AP3B2: variants seen among roughly 807,000 people sequenced by gnomAD.
AP3B2 encodes the protein AP-3 complex subunit beta-2.
A neutral mutation model predicts 126.9 loss-of-function variants in AP3B2; 50 were observed. The observed-to-expected ratio is 0.39, with a 90% CI of 0.31 to 0.50. AP3B2 has a LOEUF of 0.50. Ranked by LOEUF, AP3B2 falls within the 20% of genes least tolerant of loss-of-function variation. The pLI, the probability that AP3B2 is intolerant of heterozygous loss-of-function variation, is 0.79. For missense variants in AP3B2, 1,177 were observed against 1,426.4 expected (o/e 0.83, Z 2.82); for synonymous variants, 541 against 565.0 (o/e 0.96, Z 0.60).
chr15:82,664,010 C>A lies in AP3B2; in HGVS notation c.2262-35G>T. 6.3e-7 allele frequency: 1 copy of A among 1,582,326 alleles called. No homozygotes were observed. The highest frequency in any genetic ancestry group is 8.6e-7 in the Non-Finnish European group (1 of 1,169,066). ...TGGGAAAGGTTGGCTCAGGCCTGGC[C>A]TGGACACTCCCTCCTTGCTTCACAG... On this transcript the variant is annotated intron_variant, in intron 19 of 26. Transcript: ENST00000535359. This position sits in a 1 kb window ranked among gnomAD's most constrained non-coding sequence, Gnocchi z 4.5.
chr15:82,698,489 TAC>T (rs745881095), intron 1 of AP3B2, among the ~76,000 whole-genome samples: 3 of 145,154 alleles, frequency 2.1e-5, no homozygotes, highest in Non-Finnish European at 4.5e-5. Context: ...CACGTCCCCC[TAC>T]ACACACACAC....
intron 1 of AP3B2, chr15:82,691,722 C>T: frequency 6.5e-7 from 1 of 1,540,596 alleles, no homozygotes; most frequent in Non-Finnish European, 8.7e-7. Flanking sequence ...CATCACCTGT[C>T]TCAGTAGGGC....
rs1219219136 is a variant in AP3B2, at chr15:82,681,218, C to T, written c.522-40G>A. 6.3e-7 allele frequency: 1 copy of T among 1,583,276 alleles called. No homozygotes were observed. The highest frequency in any genetic ancestry group is 8.6e-7 in the Non-Finnish European group (1 of 1,163,524). On this transcript the variant is annotated intron_variant, in intron 5 of 26. Coordinates refer to ENST00000535359, the MANE Select transcript of AP3B2 (RefSeq NM_001278512.2). The surrounding 1 kb of genome is among the most constrained non-coding windows in gnomAD (Gnocchi z 4.0). Reference sequence around the variant, plus strand: ...GGTGAGGGGAATTTGCCACTCTCAGCCCCAGCCTTCCCAATATCTGTCCAA... The same window carrying T: ...GGTGAGGGGAATTTGCCACTCTCAGTCCCAGCCTTCCCAATATCTGTCCAA...
chr15:82,677,234 G>A (rs758708823), intron 13 of AP3B2, 40 bp downstream of exon 13: 1 of 1,473,910 alleles, frequency 6.8e-7, no homozygotes, highest in South Asian at 1.2e-5. Context: ...TCATGGGGAG[G>A]ACCTTGAAGT....
chr15:82,667,578 A>G (rs1447369810), intron 14 of AP3B2, among the ~76,000 whole-genome samples: 2 of 152,210 alleles, frequency 1.3e-5, no homozygotes, highest in Admixed American at 6.5e-5. Context: ...CTGCAGACCT[A>G]AAATATCTCC....
In AP3B2 at chr15:82,664,467, C is replaced by G. The variant is rs1475970192; in HGVS notation, c.2161G>C (p.Asp721His). 1 of 1,613,672 alleles carries G rather than the reference C, an allele frequency of 6.2e-7. No individual in the cohort carries two copies. The highest frequency in any genetic ancestry group is 1.3e-5 in the African/African-American group (1 of 74,916). ...DSDPESESES[D>H]SKSSSESGSG... The stretch of plus-strand genomic sequence containing the variant: ...CCGCTCTCACTGCTGCTCTTACTGT[C>G]CGATTCACTCTCAGACTCAGGGTCT... Residue 721 changes from aspartate (D) to histidine (H), a missense_variant, in exon 19 of 27, where the codon GAC becomes CAC. By Grantham distance (81) the Asp-to-His change is moderately conservative. This residue lies in a region of AP3B2 where 587 missense variants were observed against 571.3 expected (regional missense o/e 1.03). Transcript: ENST00000535359. This position sits in a 1 kb window ranked among gnomAD's most constrained non-coding sequence, Gnocchi z 4.5.
chr15:82,663,795 T>A lies in AP3B2; in HGVS notation c.2436+6A>T. The A allele has an allele frequency of 1.2e-6, 2 of 1,611,360 alleles. No homozygotes were observed. On this transcript the variant is annotated splice_donor_region_variant and intron_variant, in intron 20 of 26. Coordinates refer to ENST00000535359, the MANE Select transcript of AP3B2 (RefSeq NM_001278512.2). Reference sequence around the variant, plus strand: ...GCACACCCTGACTCTGCCCCAAGGCTCTCACTGTTTTCCTGCTCCAGGAGG... The same window carrying A: ...GCACACCCTGACTCTGCCCCAAGGCACTCACTGTTTTCCTGCTCCAGGAGG...
chr15:82,709,652 C>T lies in AP3B2; in HGVS notation c.55G>A (p.Glu19Lys). ...EDKGGSAGPG[E>K]PEYGHDPASG... ...GCGGGGTCGTGGCCGTACTCGGGCT[C>T]CCCGGGGCCAGCGGAGCCGCCCTTG... The change falls in exon 1 of 27, where the codon GAG (glutamate) becomes AAG (lysine). Residue 19 changes from glutamate to lysine, a missense_variant. Glu to Lys is a moderately conservative substitution (Grantham distance 56). Around this residue, in one of 5 missense-constraint regions of AP3B2, gnomAD observed 49 missense variants for 39.3 expected, o/e 1.25. Transcript: ENST00000535359. The T allele has an allele frequency of 6.6e-7, 1 of 1,519,040 alleles. No individual in the cohort carries two copies. 94.1% of individuals were successfully genotyped at this position (1,519,040 alleles called of 1,614,324 possible). A position where few individuals can be genotyped will look rare whatever the true frequency, so the allele number is the denominator to read the frequency against.
Position 82,665,650 on chromosome 15 carries a change from T to C in AP3B2, c.1853-75A>G. On this transcript the variant is annotated intron_variant, in intron 15 of 26. Transcript: ENST00000535359. This position sits in a 1 kb window ranked among gnomAD's most constrained non-coding sequence, Gnocchi z 4.4. ...CTGGGAGCTGTTTTCCAGGTGGGGC[T>C]GGGTGGTGATTCTGGTTGGGACTTC... is the stretch of plus-strand genomic sequence containing the variant. 4 of 1,250,530 alleles carry C rather than the reference T, an allele frequency of 3.2e-6. No homozygotes were observed. The highest frequency in any genetic ancestry group is 4.6e-6 in the Non-Finnish European group (4 of 864,116). The allele number at this position is 1,250,530 out of a possible 1,614,324, so 77.5% of individuals were successfully genotyped here.
chr15:82,701,493 T>C (rs2048718877), intron 1 of AP3B2, among the ~76,000 whole-genome samples: 1 of 152,234 alleles, frequency 6.6e-6, no homozygotes, highest in African/African-American at 2.4e-5. Context: ...AGCTTTCTCT[T>C]TTACAGTCAA....
intron 1 of AP3B2, among the ~76,000 whole-genome samples, chr15:82,706,923 T>C (rs2048805700): frequency 6.6e-6 from 1 of 152,178 alleles, no homozygotes; most frequent in Non-Finnish European, 1.5e-5. Flanking sequence ...GGGATTTGCC[T>C]CTGCCCAGGA....
intron 1 of AP3B2, among the ~76,000 whole-genome samples, chr15:82,701,782 C>A (rs1227349005): frequency 1.3e-5 from 2 of 152,212 alleles, no homozygotes; most frequent in Admixed American, 6.5e-5. Context: ...AAATCATCCA[C>A]AACAGAATGC....
intron 1 of AP3B2, chr15:82,692,297 G>A (rs1461239165): frequency 5.9e-6 from 4 of 674,558 alleles, no homozygotes; most frequent in African/African-American, 5.5e-5. Context: ...GGTCTTCCAC[G>A]TCCTTCTCGC....
At position 82,709,796 on chromosome 15, in the gene AP3B2, G is replaced by C; in HGVS notation, c.-90C>G. The stretch of plus-strand genomic sequence containing the variant: ...AAGGGAAGGCGGGCCGGTCCGGTCC[G>C]GGCTGGCGAAGGCGGCGGCGCGGCA... On this transcript the variant is annotated 5_prime_UTR_variant, in exon 1 of 27. Coordinates refer to ENST00000535359, the MANE Select transcript of AP3B2 (RefSeq NM_001278512.2). The C allele has an allele frequency of 2.7e-6, 3 of 1,102,874 alleles. No homozygotes were observed. Among genetic ancestry groups the C allele is most frequent in the South Asian group, 1.9e-5 (1 of 52,924 alleles). 68.3% of individuals were successfully genotyped at this position (1,102,874 alleles called of 1,614,324 possible).
chr15:82,695,978 G>A (rs2048623834), intron 1 of AP3B2, among the ~76,000 whole-genome samples: 1 of 152,208 alleles, frequency 6.6e-6, no homozygotes, highest in Non-Finnish European at 1.5e-5. Flanking sequence ...ACTCTCTGGT[G>A]AGCGGTGTGT....
At chr15:82,699,687 T>G in intron 1 of AP3B2, 1 of 399,612 alleles carries the variant, frequency 2.5e-6, no homozygotes, top group Admixed American at 4.4e-5. Context: ...CTTCCAGAGA[T>G]GCTTCTGGGG....
intron 4 of AP3B2, among the ~76,000 whole-genome samples, chr15:82,682,096 G>A (rs901055438): frequency 6.1e-5 from 8 of 131,568 alleles, no homozygotes; most frequent in Non-Finnish European, 1.1e-4. Context: ...TCTGTCGCCA[G>A]GCTGGAGTGC....
intron 14 of AP3B2, among the ~76,000 whole-genome samples, chr15:82,670,123 G>GGGGA (rs1311611420): frequency 7.7e-6 from 1 of 130,238 alleles, no homozygotes; most frequent in Non-Finnish European, 1.7e-5. Context: ...GGCGGGGGGG[G>GGGGA]ACGAAGATGA....
Position 82,688,838 on chromosome 15 carries a change from G to C in AP3B2, c.265-7C>G, listed in dbSNP as rs2048475832. On this transcript the variant is annotated splice_polypyrimidine_tract_variant and splice_region_variant and intron_variant, in intron 3 of 26. Coordinates refer to ENST00000535359, the MANE Select transcript of AP3B2 (RefSeq NM_001278512.2). ...CATAGACAAGCTTCTTCACCTTGGGGAGAGCACGTTTCTCAGCAGAACGCT... is the reference window on the plus strand; with the variant it reads ...CATAGACAAGCTTCTTCACCTTGGGCAGAGCACGTTTCTCAGCAGAACGCT... 2 of 1,607,298 alleles carry C rather than the reference G, an allele frequency of 1.2e-6. No homozygotes were observed. The highest frequency in any genetic ancestry group is 4.5e-5 in the East Asian group (2 of 44,670).
Sources: gnomAD v4.1 joint callset for allele counts (sites outside exome capture counted in the v4.1 genomes callset) on GRCh38, gnomAD v4.1.1 for gene constraint, gnomAD v4.1.1 regional missense constraint, Gnocchi (gnomAD v3.1) non-coding constraint, MANE v1.5 for transcripts, NCBI Gene and HGNC (gene_info 2026-07-23, HGNC 2026-07-21) for gene names.